Variants in CNTNAP2 observed in about 807,000 individuals in gnomAD.
CNTNAP2 encodes contactin associated protein 2.
A neutral mutation model predicts 155.2 loss-of-function variants in CNTNAP2; 98 were observed. The observed-to-expected ratio is 0.63, with a 90% CI of 0.54 to 0.75. CNTNAP2 has a LOEUF of 0.75. Ranked by LOEUF, CNTNAP2 falls within the 30% of genes least tolerant of loss-of-function variation. The pLI, the probability that CNTNAP2 is intolerant of heterozygous loss-of-function variation, is 0.00. For missense variants in CNTNAP2, 1,727 were observed against 1,688.1 expected, an observed-to-expected ratio of 1.02 and a Z score of -0.40; for synonymous variants, 651 against 631.2, an observed-to-expected ratio of 1.03 and a Z score of -0.47.
rs59766839 is a variant in CNTNAP2 at position 146,308,840 on chromosome 7, C to T, written c.97+191867C>T. On this transcript the variant is annotated intron_variant, in intron 1 of 23. Transcript: ENST00000361727. ...CGGGGCCTGTTGTAGGGTGGGGAGACGGGGGAGGGATAGCATTAGGAGATA... is the reference window on the plus strand; with the variant it reads ...CGGGGCCTGTTGTAGGGTGGGGAGATGGGGGAGGGATAGCATTAGGAGATA... Among the ~76,000 whole-genome samples the T allele has an allele frequency of 1.1e-4, 16 of 151,650 alleles. No homozygotes were observed. The East Asian group carries it at 1.4e-3, about 13-fold the overall frequency.
At chr7:147,084,678 T>C (rs1021638400) in intron 4 of CNTNAP2, among the ~76,000 whole-genome samples, 4 of 147,444 alleles carry the variant, frequency 2.7e-5, no homozygotes, top group African/African-American at 9.8e-5. Flanking sequence ...ATAGCATATA[T>C]AAGCATGCTA....
At chr7:148,125,624 T>C (rs555451764) in intron 16 of CNTNAP2, among the ~76,000 whole-genome samples, 12 of 152,028 alleles carry the variant, frequency 7.9e-5, no homozygotes, top group Admixed American at 1.3e-4. Context: ...ATTTTCTTTA[T>C]TTGAGACTAG....
At chr7:146,815,887 C>T (rs530907477) in intron 2 of CNTNAP2, among the ~76,000 whole-genome samples, 243 of 152,238 alleles carry the variant, frequency 1.6e-3, no homozygotes, top group Non-Finnish European at 2.9e-3. Context: ...TTAGGTATTT[C>T]TCTTAATGAT....
At chr7:146,223,224 G>C (rs1416901263) in intron 1 of CNTNAP2, among the ~76,000 whole-genome samples, 1 of 152,180 alleles carries the variant, frequency 6.6e-6, no homozygotes, top group Non-Finnish European at 1.5e-5. Context: ...AAACTAGCCA[G>C]TCTGTAGAGA....
chr7:146,207,438 T>C (rs1173769533), intron 1 of CNTNAP2, among the ~76,000 whole-genome samples: 2 of 152,004 alleles, frequency 1.3e-5, no homozygotes, highest in East Asian at 3.9e-4. Context: ...TCTTGGTGTA[T>C]GGTAGGTTTC....
At chr7:146,416,363 G>T (rs1206405417) in intron 1 of CNTNAP2, among the ~76,000 whole-genome samples, 1 of 151,588 alleles carries the variant, frequency 6.6e-6, no homozygotes, top group Admixed American at 6.6e-5. Flanking sequence ...CTCCATTTCC[G>T]ACCTGGGTCA....
chr7:146,239,366 A>G (rs914283415), intron 1 of CNTNAP2, among the ~76,000 whole-genome samples: 3 of 152,194 alleles, frequency 2.0e-5, no homozygotes, highest in African/African-American at 4.8e-5. Flanking sequence ...TTTTCATTCC[A>G]CAGCAAAATA....
At chr7:148,093,400 C>T (rs1467541520) in intron 15 of CNTNAP2, among the ~76,000 whole-genome samples, 1 of 152,212 alleles carries the variant, frequency 6.6e-6, no homozygotes, top group African/African-American at 2.4e-5. Context: ...GAAACCTTCT[C>T]TGATATGACG....
intron 15 of CNTNAP2, among the ~76,000 whole-genome samples, chr7:148,034,529 C>T (rs1802538271): frequency 6.6e-6 from 1 of 152,114 alleles, no homozygotes; most frequent in South Asian, 2.1e-4. Flanking sequence ...GCAAGAAGGT[C>T]CTTACGAGAT....
intron 16 of CNTNAP2, among the ~76,000 whole-genome samples, chr7:148,138,175 C>T (rs1313372257): frequency 2.0e-5 from 3 of 152,218 alleles, no homozygotes; most frequent in South Asian, 2.1e-4. Flanking sequence ...CATGCTCCTT[C>T]CAAAGCCATA....
chr7:146,268,707 C>A lies in CNTNAP2; in HGVS notation c.97+151734C>A, dbSNP rs143736955. On this transcript the variant is annotated intron_variant, in intron 1 of 23. Coordinates refer to ENST00000361727, the MANE Select transcript of CNTNAP2 (RefSeq NM_014141.6). Reference sequence around the variant, plus strand: ...GAAAGAATAATTCATTTAGTTTTTTCTTGGAATAGAATTAAGGGAAAAATA... The same window carrying A: ...GAAAGAATAATTCATTTAGTTTTTTATTGGAATAGAATTAAGGGAAAAATA... Among the ~76,000 whole-genome samples the A allele has an allele frequency of 5.5e-3, 841 of 152,198 alleles. 7 individuals are homozygous for A. The highest frequency in any genetic ancestry group is 0.019 in the African/African-American group (788 of 41,536).
rs553282819 is a variant in CNTNAP2 at position 147,612,847 on chromosome 7, A to G, written c.1898-26259A>G. Among the ~76,000 whole-genome samples the G allele has an allele frequency of 1.1e-3, 163 of 152,326 alleles. 1 individual carries two copies. Among genetic ancestry groups the G allele is most frequent in the Non-Finnish European group, 1.5e-3 (104 of 68,032 alleles). On this transcript the variant is annotated intron_variant, in intron 12 of 23. Transcript: ENST00000361727. The stretch of plus-strand genomic sequence containing the variant: ...TTTCTACTCAATGTTCTGATTTTGA[A>G]ATTCACTCATGTTTCATAAATATAC...
chr7:148,408,180 A>G (rs1046298983), intron 22 of CNTNAP2, among the ~76,000 whole-genome samples: 1 of 152,166 alleles, frequency 6.6e-6, no homozygotes, highest in Admixed American at 6.6e-5. Flanking sequence ...GCAAGGCAGC[A>G]GTTGCAGCAA....
intron 3 of CNTNAP2, among the ~76,000 whole-genome samples, chr7:146,934,234 A>G (rs1329130124): frequency 6.6e-6 from 1 of 152,072 alleles, no homozygotes; most frequent in Non-Finnish European, 1.5e-5. Context: ...AATGTGGCAC[A>G]TATACACCAT....
chr7:147,048,067 A>ATTTTTTTTTTTTTTTTTTTTT (rs11352009), intron 4 of CNTNAP2, among the ~76,000 whole-genome samples: 1 of 90,374 alleles, frequency 1.1e-5, no homozygotes, highest in Non-Finnish European at 2.0e-5. Context: ...CGGAGAGACA[A>ATTTTTTTTTTTTTTTTTTTTT]TTTTTTTTTT....
intron 1 of CNTNAP2, among the ~76,000 whole-genome samples, chr7:146,651,130 AT>A (rs1413856774): frequency 6.6e-6 from 1 of 152,118 alleles, no homozygotes; most frequent in African/African-American, 2.4e-5. Context: ...CTCTTAACTC[AT>A]TCTCTGAGCT....
intron 1 of CNTNAP2, among the ~76,000 whole-genome samples, chr7:146,384,856 A>G (rs1026871577): frequency 6.6e-6 from 1 of 152,172 alleles, no homozygotes; most frequent in Non-Finnish European, 1.5e-5. Flanking sequence ...TTCCCCTACC[A>G]TAATGTCATC....
rs149844813 is a variant in CNTNAP2 at position 146,648,959 on chromosome 7, A to G, written c.98-125312A>G. Among the ~76,000 whole-genome samples the G allele has an allele frequency of 1.1e-3, 169 of 152,222 alleles. 3 individuals are homozygous for G. In the East Asian group the frequency reaches 0.03, roughly 27 times the overall value. ...TGTTGGCGGACAGATGATGGGAAAT[A>G]CCGCTCTTGCTTTGTAGTAGACAGA... is the stretch of plus-strand genomic sequence containing the variant. On this transcript the variant is annotated intron_variant, in intron 1 of 23. Transcript: ENST00000361727.
At chr7:147,546,784 C>T (rs527276433) in intron 11 of CNTNAP2, among the ~76,000 whole-genome samples, 9 of 152,294 alleles carry the variant, frequency 5.9e-5, no homozygotes, top group Admixed American at 2.0e-4. Context: ...TGAAACACAT[C>T]GCAGATCTTT....
Sources: gnomAD v4.1 joint callset for allele counts (sites outside exome capture counted in the v4.1 genomes callset) on GRCh38, gnomAD v4.1.1 for gene constraint, MANE v1.5 for transcripts, NCBI Gene and HGNC (gene_info 2026-07-23, HGNC 2026-07-21) for gene names.